The following PIK3C2G variants were observed in gnomAD, a reference collection of about 807,000 sequenced individuals.
PIK3C2G encodes phosphatidylinositol-4-phosphate 3-kinase catalytic subunit type 2 gamma.
In PIK3C2G, 168 loss-of-function variants were observed where a neutral mutation model predicts 181.1. That is an observed-to-expected ratio of 0.93 (90% CI 0.82 to 1.05). The LOEUF is 1.05. PIK3C2G is among the 50% of genes least tolerant of loss of function. The pLI, the probability that PIK3C2G is intolerant of heterozygous loss-of-function variation, is 0.00. For synonymous variants in PIK3C2G, 573 were observed against 592.2 expected (o/e 0.97, Z 0.47); for missense variants, 1,869 against 1,732.8 (o/e 1.08, Z -1.40).
chr12:18,369,411 A>G (rs1247211680), intron 12 of PIK3C2G, among the ~76,000 whole-genome samples: 1 of 152,156 alleles, frequency 6.6e-6, no homozygotes, highest in Non-Finnish European at 1.5e-5. Context: ...GCATTATCAT[A>G]TAATGATCAT....
intron 1 of PIK3C2G, among the ~76,000 whole-genome samples, chr12:18,262,994 A>T (rs1029795036): frequency 5.3e-5 from 8 of 152,192 alleles, no homozygotes; most frequent in Non-Finnish European, 1.2e-4. Flanking sequence ...TTTAACTGTT[A>T]TCAGTTCTTA....
chr12:18,574,032 T>C (rs1367629137), intron 29 of PIK3C2G, among the ~76,000 whole-genome samples: 1 of 152,140 alleles, frequency 6.6e-6, no homozygotes, highest in African/African-American at 2.4e-5. Flanking sequence ...GCACAGAACA[T>C]ACAACTTCTG....
At chr12:18,599,524 G>C (rs1475040628) in intron 30 of PIK3C2G, among the ~76,000 whole-genome samples, 4 of 151,994 alleles carry the variant, frequency 2.6e-5, no homozygotes, top group African/African-American at 9.7e-5. Flanking sequence ...GGGAGGGATA[G>C]CACTGGGAGA....
At chr12:18,308,181 G>A (rs895076804) in intron 5 of PIK3C2G, among the ~76,000 whole-genome samples, 2 of 151,716 alleles carry the variant, frequency 1.3e-5, no homozygotes, top group South Asian at 2.1e-4. Flanking sequence ...AAAACGAGTA[G>A]TTCACAGCTC....
chr12:18,283,075 A>G (rs1388159386), intron 2 of PIK3C2G, among the ~76,000 whole-genome samples: 2 of 152,144 alleles, frequency 1.3e-5, no homozygotes, highest in South Asian at 4.1e-4. Context: ...TTAACTGATA[A>G]TATTTTCTGT....
At chr12:18,292,311 A>G (rs935865828) in intron 4 of PIK3C2G, among the ~76,000 whole-genome samples, 11 of 148,434 alleles carry the variant, frequency 7.4e-5, no homozygotes, top group Non-Finnish European at 1.3e-4. Flanking sequence ...GGAATATATG[A>G]AAAACACAAA....
At chr12:18,511,395 A>G (rs957448109) in intron 24 of PIK3C2G, among the ~76,000 whole-genome samples, 5 of 152,028 alleles carry the variant, frequency 3.3e-5, no homozygotes, top group Admixed American at 2.0e-4. Context: ...TTCTAGAGGA[A>G]AGTGGATGCT....
At chr12:18,507,334 T>C (rs1392443710) in intron 24 of PIK3C2G, among the ~76,000 whole-genome samples, 1 of 152,140 alleles carries the variant, frequency 6.6e-6, no homozygotes, top group Non-Finnish European at 1.5e-5. Context: ...TGGCCTTCAT[T>C]CGCTTCTTAA....
chr12:18,543,745 C>G (rs911519314), intron 25 of PIK3C2G, among the ~76,000 whole-genome samples: 1 of 151,852 alleles, frequency 6.6e-6, no homozygotes, highest in Non-Finnish European at 1.5e-5. Context: ...TTCCATTGGC[C>G]TGTGTGCCTA....
the PIK3C2G span, among the ~76,000 whole-genome samples, chr12:18,703,596 T>C: frequency 5.9e-5 from 9 of 152,322 alleles, no homozygotes; most frequent in East Asian, 1.9e-4. Flanking sequence ...CTCTTTACAA[T>C]AGAATGTTAA....
chr12:18,592,413 G>C (rs1312918714), intron 29 of PIK3C2G, among the ~76,000 whole-genome samples: 1 of 151,910 alleles, frequency 6.6e-6, no homozygotes, highest in Non-Finnish European at 1.5e-5. Context: ...ACTAAAAATG[G>C]AATAGCTATA....
chr12:18,363,094 C>A, intron 12 of PIK3C2G: 1 of 403,694 alleles, frequency 2.5e-6, no homozygotes, highest in Non-Finnish European at 4.4e-6. Flanking sequence ...GACAAGTGTC[C>A]AATTCACATT....
At chr12:18,254,038 G>T (rs550375114) in intron 1 of PIK3C2G, among the ~76,000 whole-genome samples, 1 of 152,012 alleles carries the variant, frequency 6.6e-6, no homozygotes, top group East Asian at 1.9e-4. Context: ...CATCCTAAGA[G>T]CCTAGTGCTT....
At chr12:18,656,517 A>T in the PIK3C2G span, among the ~76,000 whole-genome samples, 6 of 152,270 alleles carry the variant, frequency 3.9e-5, no homozygotes, top group Admixed American at 1.3e-4. Context: ...GTGAGACAAG[A>T]TCACACCACT....
chr12:18,559,627 A>G (rs2136319517), intron 26 of PIK3C2G, among the ~76,000 whole-genome samples: 1 of 151,362 alleles, frequency 6.6e-6, no homozygotes, highest in South Asian at 2.1e-4. Flanking sequence ...CCAAAAAAAA[A>G]GGTCTCTCTC....
chr12:18,672,257 A>G, the PIK3C2G span, among the ~76,000 whole-genome samples: 1 of 152,288 alleles, frequency 6.6e-6, no homozygotes, highest in East Asian at 1.9e-4. Context: ...AGAAAATACA[A>G]CTGTCTTATT....
intron 18 of PIK3C2G, among the ~76,000 whole-genome samples, chr12:18,452,536 T>C (rs1262862338): frequency 6.6e-6 from 1 of 152,174 alleles, no homozygotes; most frequent in Non-Finnish European, 1.5e-5. Context: ...TCATTGATTT[T>C]TTTGGAGGGT....
chr12:18,387,526 G>A lies in PIK3C2G; in HGVS notation c.1996-3596G>A, dbSNP rs771764870. ...TGTTCCCTGTCTATAATGTGCCCTC[G>A]CCCCTTCACCCTCCACTGTCCACCC... is the stretch of plus-strand genomic sequence containing the variant. On this transcript the variant is annotated intron_variant, in intron 14 of 32. Coordinates refer to ENST00000538779, the MANE Select transcript of PIK3C2G (RefSeq NM_001288772.2). Among the ~76,000 whole-genome samples, 20 of 151,842 alleles carry A rather than the reference G, an allele frequency of 1.3e-4. 1 individual carries two copies. Among genetic ancestry groups the A allele is most frequent in the Non-Finnish European group, 2.5e-4 (17 of 67,982 alleles).
At chr12:18,349,852 C>A (rs562455940) in intron 11 of PIK3C2G, among the ~76,000 whole-genome samples, 1 of 152,148 alleles carries the variant, frequency 6.6e-6, no homozygotes, top group South Asian at 2.1e-4. Context: ...CCTCTAGTAC[C>A]CAAAACATGT....
Sources: allele counts gnomAD v4.1 joint callset (sites outside exome capture counted in the v4.1 genomes callset), GRCh38; gene constraint gnomAD v4.1.1; transcripts MANE v1.5; gene names NCBI Gene and HGNC (gene_info 2026-07-23, HGNC 2026-07-21).